Variants in CPAMD8 observed in about 807,000 individuals in gnomAD.
CPAMD8 encodes C3 and PZP-like alpha-2-macroglobulin domain-containing protein 8.
A neutral mutation model predicts 224.7 loss-of-function variants in CPAMD8; 146 were observed. The observed-to-expected ratio is 0.65, with a 90% CI of 0.57 to 0.75. CPAMD8 has a LOEUF of 0.75. CPAMD8 is among the 30% of genes least tolerant of loss of function. The pLI is 0.00. For synonymous variants in CPAMD8, 966 were observed against 1,044.6 expected, an observed-to-expected ratio of 0.92 and a Z score of 1.45; for missense variants, 2,301 against 2,537.5, an observed-to-expected ratio of 0.91 and a Z score of 2.00.
rs2052119349 is a variant in CPAMD8 at position 16,898,427 on chromosome 19, C to T, written c.4849-433G>A. On this transcript the variant is annotated intron_variant, in intron 37 of 41. Transcript: ENST00000443236. This position sits in a 1 kb window ranked among gnomAD's most constrained non-coding sequence, Gnocchi z 4.2. Reference sequence around the variant, plus strand: ...TTTTTATTCTTTGGGTCCTTCCATCCCACTGGGAAAACGTCTCAGGTGGCC... The same window carrying T: ...TTTTTATTCTTTGGGTCCTTCCATCTCACTGGGAAAACGTCTCAGGTGGCC... Among the ~76,000 whole-genome samples the T allele has an allele frequency of 6.6e-6, 1 of 152,040 alleles. No homozygotes were observed. The highest frequency in any genetic ancestry group is 2.4e-5 in the African/African-American group (1 of 41,378).
At position 16,914,498 on chromosome 19, in the gene CPAMD8, C is replaced by T; in HGVS notation, c.3787G>A (p.Gly1263Ser). The part of the protein sequence containing the change: ...VGRVLNKDIQ[G>S]GIHGTVPLTA... ...AGCGGGACAGTGCCGTGGATCCCAC[C>T]CTGCAAGGGGACTCACAGGCCTCAC... The change falls in exon 29 of 42, where the codon GGT (glycine) becomes AGT (serine). Residue 1263 changes from glycine (G) to serine (S), a missense_variant and splice_region_variant. By Grantham distance (56) the Gly-to-Ser change is moderately conservative (BLOSUM62 0). Transcript: ENST00000443236. 6.2e-7 allele frequency: 1 copy of T among 1,614,126 alleles called. No individual in the cohort carries two copies. Among genetic ancestry groups the T allele is most frequent in the Non-Finnish European group, 8.5e-7 (1 of 1,179,974 alleles).
At position 16,982,937 on chromosome 19, in the gene CPAMD8, A is replaced by G. The variant is rs140343867; in HGVS notation, c.1396-2251T>C. ...CTGAATCATGGGGACAGTTTCCCCA[A>G]TACAGTTCTCATGGTAGAGAATGAG... On this transcript the variant is annotated intron_variant, in intron 13 of 41. Transcript: ENST00000443236. 8.6e-3 allele frequency among the ~76,000 whole-genome samples: 1,310 copies of G among 152,324 alleles called. 8 individuals are homozygous for G. Among genetic ancestry groups the G allele is most frequent in the South Asian group, 0.015 (71 of 4,826 alleles).
At chr19:17,017,856 C>A (rs1177246995) in intron 3 of CPAMD8, among the ~76,000 whole-genome samples, 1 of 152,050 alleles carries the variant, frequency 6.6e-6, no homozygotes, top group Non-Finnish European at 1.5e-5. Flanking sequence ...CATGATGAAA[C>A]CCCATCTCTA....
rs774025348 is a variant in CPAMD8 at position 16,902,812 on chromosome 19, G to T, written c.4522C>A (p.Leu1508Met). 3 of 1,567,710 alleles carry T rather than the reference G, an allele frequency of 1.9e-6. No individual in the cohort carries two copies. The highest frequency in any genetic ancestry group is 3.7e-5 in the Admixed American group (2 of 54,528). ...TCAGGCTCCTGGAGGCTTACGAGCA[G>T]CTGGAAAGCTGGCTTGGCCACCGGG... The part of the protein sequence containing the change: ...PDPVAKPAFQ[L>M]LVSLQEPEAQ... Residue 1508 changes from leucine to methionine, a missense_variant, in exon 35 of 42, where the codon CTG becomes ATG. Physicochemically the swap from Leu to Met is conservative, Grantham distance 15. Around this residue, in one of 4 missense-constraint regions of CPAMD8, gnomAD observed 1,709 missense variants for 1,753.2 expected, o/e 0.97. Transcript: ENST00000443236.
At chr19:17,016,065 T>G (rs752382504) in intron 3 of CPAMD8, among the ~76,000 whole-genome samples, 1 of 152,190 alleles carries the variant, frequency 6.6e-6, no homozygotes, top group Admixed American at 6.6e-5. Context: ...TACCTTGGCC[T>G]ACTGAGTGGC....
chr19:16,971,981 A>C (rs2122651645), intron 17 of CPAMD8, among the ~76,000 whole-genome samples: 1 of 152,172 alleles, frequency 6.6e-6, no homozygotes, highest in South Asian at 2.1e-4. Flanking sequence ...CAGGAGGCGG[A>C]GGTTGCAGTG....
chr19:16,941,533 A>G (rs1284308076), intron 22 of CPAMD8, among the ~76,000 whole-genome samples: 1 of 152,134 alleles, frequency 6.6e-6, no homozygotes, highest in Non-Finnish European at 1.5e-5. Context: ...TATGGTTTGG[A>G]TTTGTGTTCC....
rs75645658 is a variant in CPAMD8, at chr19:17,008,970, C to A, written c.504+333G>T. On this transcript the variant is annotated intron_variant, in intron 6 of 41. Coordinates refer to ENST00000443236, the MANE Select transcript of CPAMD8 (RefSeq NM_015692.5). The stretch of plus-strand genomic sequence containing the variant: ...AATTAGCTGGGTGTGGTGCCATACG[C>A]CTGTAGTCTCAGCTACTCGGGAGGC... 3.8e-3 allele frequency among the ~76,000 whole-genome samples: 577 copies of A among 152,128 alleles called. 6 individuals are homozygous for A. The highest frequency in any genetic ancestry group is 0.013 in the African/African-American group (552 of 41,508).
chr19:17,016,543 T>C (rs1452712475), intron 3 of CPAMD8, among the ~76,000 whole-genome samples: 1 of 152,112 alleles, frequency 6.6e-6, no homozygotes, highest in African/African-American at 2.4e-5. Flanking sequence ...GGTGGATCAC[T>C]TGAGGTCAGG....
chr19:16,945,242 G>A (rs1192850557), intron 22 of CPAMD8, among the ~76,000 whole-genome samples: 4 of 152,158 alleles, frequency 2.6e-5, no homozygotes, highest in African/African-American at 9.7e-5. Flanking sequence ...CCTATGACAA[G>A]CACGAGATGA....
intron 10 of CPAMD8, among the ~76,000 whole-genome samples, chr19:16,999,584 CCAA>C (rs1417529570): frequency 1.1e-5 from 1 of 94,950 alleles, no homozygotes. Flanking sequence ...GACTCCATCT[CCAA>C]AAAAAAAAAA....
chr19:16,895,894 C>A, intron 41 of CPAMD8: 1 of 554,046 alleles, frequency 1.8e-6, no homozygotes, highest in Non-Finnish European at 3.4e-6. Flanking sequence ...TGCGCGCGCG[C>A]GCGCGCACGC....
intron 30 of CPAMD8, among the ~76,000 whole-genome samples, chr19:16,906,341 T>C (rs1200037394): frequency 7.0e-5 from 2 of 28,722 alleles, no homozygotes; most frequent in Admixed American, 3.9e-4. Flanking sequence ...TCTTTCCCTT[T>C]CTTTCTTTCT....
chr19:16,984,628 T>C (rs549226833), intron 13 of CPAMD8, among the ~76,000 whole-genome samples: 1 of 152,238 alleles, frequency 6.6e-6, no homozygotes, highest in South Asian at 2.1e-4. Flanking sequence ...TAGGAGAAAA[T>C]GTCTGCAAAT....
At chr19:16,922,679 G>A (rs1405238870) in intron 26 of CPAMD8, among the ~76,000 whole-genome samples, 2 of 134,068 alleles carry the variant, frequency 1.5e-5, no homozygotes, top group Admixed American at 7.5e-5. Context: ...GAGGTCCCTG[G>A]AACTGCCCCA....
intron 22 of CPAMD8, among the ~76,000 whole-genome samples, chr19:16,941,931 C>A (rs2053907840): frequency 6.6e-6 from 1 of 152,166 alleles, no homozygotes; most frequent in Admixed American, 6.5e-5. Flanking sequence ...TGAGATCATG[C>A]CATTGCACTC....
intron 20 of CPAMD8, among the ~76,000 whole-genome samples, chr19:16,950,158 C>G (rs560324698): frequency 6.6e-6 from 1 of 151,902 alleles, no homozygotes; most frequent in South Asian, 2.1e-4. Flanking sequence ...ATTAGCTAGG[C>G]GTGGTGGCGG....
chr19:16,983,486 G>T (rs1260921886), intron 13 of CPAMD8, among the ~76,000 whole-genome samples: 1 of 152,030 alleles, frequency 6.6e-6, no homozygotes, highest in Non-Finnish European at 1.5e-5. Flanking sequence ...TTTATCAGCA[G>T]CATGAAAACG....
intron 23 of CPAMD8, among the ~76,000 whole-genome samples, chr19:16,930,464 T>C (rs768929220): frequency 4.6e-5 from 7 of 152,124 alleles, no homozygotes; most frequent in Non-Finnish European, 4.4e-5. Flanking sequence ...TCATCACACT[T>C]TGACTAGTTC....
Sources: allele counts gnomAD v4.1 joint callset (sites outside exome capture counted in the v4.1 genomes callset), GRCh38; gene constraint gnomAD v4.1.1; regional missense constraint gnomAD v4.1.1; non-coding constraint Gnocchi (gnomAD v3.1); transcripts MANE v1.5; gene names NCBI Gene and HGNC (gene_info 2026-07-23, HGNC 2026-07-21).